Variants in EXOC6B observed in about 807,000 individuals in gnomAD.
The protein encoded by EXOC6B is exocyst complex component 6B, also known as SEC15 homolog B.
Under a neutral mutation model 113.5 loss-of-function variants are expected in EXOC6B, and 54 were observed. That is an observed-to-expected ratio of 0.48 (90% CI 0.38 to 0.60). The LOEUF (loss-of-function observed/expected upper bound fraction) is 0.60. Among genes scored for constraint, EXOC6B ranks in the 20% least tolerant of loss-of-function variants. The pLI is 0.00. For synonymous variants in EXOC6B, 357 were observed against 339.0 expected, an observed-to-expected ratio of 1.05 and a Z score of -0.58; for missense variants, 797 against 977.5, an observed-to-expected ratio of 0.82 and a Z score of 2.46.
intron 6 of EXOC6B, among the ~76,000 whole-genome samples, chr2:72,704,183 C>T (rs1275849135): frequency 6.7e-6 from 1 of 150,190 alleles, no homozygotes; most frequent in Non-Finnish European, 1.5e-5. Context: ...TCACTCAAAA[C>T]CGCTCAACTA....
At chr2:72,769,728 C>T (rs1467142603) in intron 1 of EXOC6B, among the ~76,000 whole-genome samples, 1 of 152,200 alleles carries the variant, frequency 6.6e-6, no homozygotes, top group African/African-American at 2.4e-5. Context: ...AGGAGAATTG[C>T]TTGAACTCAG....
At chr2:72,653,606 C>T (rs570406356) in intron 6 of EXOC6B, among the ~76,000 whole-genome samples, 4 of 145,506 alleles carry the variant, frequency 2.7e-5, no homozygotes, top group Non-Finnish European at 6.0e-5. Context: ...CAACCCCCCC[C>T]CAAAAAGAAA....
At chr2:72,264,210 G>A (rs946172095) in intron 20 of EXOC6B, among the ~76,000 whole-genome samples, 2 of 152,098 alleles carry the variant, frequency 1.3e-5, no homozygotes, top group African/African-American at 4.8e-5. Flanking sequence ...ACATTCATGG[G>A]ACCCAGAGTC....
chr2:72,361,530 T>C (rs1202320123), intron 19 of EXOC6B, among the ~76,000 whole-genome samples: 1 of 152,184 alleles, frequency 6.6e-6, no homozygotes, highest in Non-Finnish European at 1.5e-5. Context: ...AGGTGGATAA[T>C]TAATTATACG....
intron 16 of EXOC6B, among the ~76,000 whole-genome samples, chr2:72,488,850 G>C (rs1043096511): frequency 5.9e-5 from 9 of 152,254 alleles, no homozygotes; most frequent in South Asian, 4.1e-4. Context: ...GTCAGATCAA[G>C]TCATTAAACA....
chr2:72,194,666 C>T (rs1679058183), intron 20 of EXOC6B, among the ~76,000 whole-genome samples: 2 of 151,804 alleles, frequency 1.3e-5, no homozygotes, highest in Non-Finnish European at 2.9e-5. Flanking sequence ...TAGAAAGCTG[C>T]AGAACTGCCC....
chr2:72,425,557 C>T (rs1015331792), intron 18 of EXOC6B, among the ~76,000 whole-genome samples: 1 of 152,150 alleles, frequency 6.6e-6, no homozygotes, highest in African/African-American at 2.4e-5. Flanking sequence ...ATATGACCTT[C>T]CCTCCAACCC....
intron 1 of EXOC6B, among the ~76,000 whole-genome samples, chr2:72,752,868 A>G (rs1384738966): frequency 6.6e-6 from 1 of 151,990 alleles, no homozygotes; most frequent in African/African-American, 2.4e-5. Context: ...CACGGCTTCT[A>G]TTACACTCCT....
chr2:72,362,731 A>T (rs1289193064), intron 19 of EXOC6B, among the ~76,000 whole-genome samples: 3 of 152,114 alleles, frequency 2.0e-5, no homozygotes. Flanking sequence ...GCTCCTGCAA[A>T]ATGCAAGTTC....
intron 20 of EXOC6B, among the ~76,000 whole-genome samples, chr2:72,278,077 T>C (rs536712509): frequency 2.0e-5 from 3 of 152,300 alleles, no homozygotes; most frequent in Non-Finnish European, 4.4e-5. Flanking sequence ...ATTCAAAAAA[T>C]GTTTGCTACA....
At chr2:72,206,304 A>G (rs1679837524) in intron 20 of EXOC6B, among the ~76,000 whole-genome samples, 1 of 152,216 alleles carries the variant, frequency 6.6e-6, no homozygotes, top group African/African-American at 2.4e-5. Context: ...TCTTAGAAAC[A>G]TAGAATCAAG....
intron 1 of EXOC6B, among the ~76,000 whole-genome samples, chr2:72,796,703 T>C (rs1284252225): frequency 1.3e-5 from 2 of 152,130 alleles, no homozygotes; most frequent in Non-Finnish European, 2.9e-5. Context: ...AAAAAAAATC[T>C]TCCTATCCCA....
intron 18 of EXOC6B, among the ~76,000 whole-genome samples, chr2:72,421,912 G>A (rs753693781): frequency 6.6e-6 from 1 of 152,218 alleles, no homozygotes; most frequent in Non-Finnish European, 1.5e-5. Context: ...TGGCGGCCCC[G>A]CACTCAGAGC....
At chr2:72,418,882 C>T (rs1308312230) in intron 18 of EXOC6B, among the ~76,000 whole-genome samples, 1 of 152,032 alleles carries the variant, frequency 6.6e-6, no homozygotes, top group Admixed American at 6.5e-5. Flanking sequence ...GACCTTCTGT[C>T]CCCCCCTTAT....
chr2:72,179,194 G>T lies in EXOC6B; in HGVS notation c.*141C>A. 1 of 928,278 alleles carries T rather than the reference G, an allele frequency of 1.1e-6. No individual in the cohort carries two copies. Among genetic ancestry groups the T allele is most frequent in the Non-Finnish European group, 1.6e-6 (1 of 643,266 alleles). 57.5% of individuals were successfully genotyped at this position (928,278 alleles called of 1,614,324 possible). A position where few individuals can be genotyped will look rare whatever the true frequency, so the allele number is the denominator to read the frequency against. On this transcript the variant is annotated 3_prime_UTR_variant, in exon 22 of 22. Coordinates refer to ENST00000272427, the MANE Select transcript of EXOC6B (RefSeq NM_015189.3). ...CTCTTTTACTATAGGGAAATGTTAT[G>T]TGAATACTGCACAGGGGTTAATAAA...
At chr2:72,811,124 G>A (rs532267334) in intron 1 of EXOC6B, among the ~76,000 whole-genome samples, 3 of 152,176 alleles carry the variant, frequency 2.0e-5, no homozygotes, top group African/African-American at 7.2e-5. Context: ...CTTGATGCCA[G>A]GAGTTCAAGA....
intron 20 of EXOC6B, among the ~76,000 whole-genome samples, chr2:72,240,922 G>T (rs954789435): frequency 6.6e-6 from 1 of 152,058 alleles, no homozygotes; most frequent in African/African-American, 2.4e-5. Context: ...TCAAAAATTG[G>T]ACAAACAGGC....
At chr2:72,632,633 A>T (rs1306758143) in intron 6 of EXOC6B, among the ~76,000 whole-genome samples, 1 of 152,238 alleles carries the variant, frequency 6.6e-6, no homozygotes, top group African/African-American at 2.4e-5. Flanking sequence ...TGCATGGGAT[A>T]GATAGCAACA....
At chr2:72,413,876 CT>C (rs1694354478) in intron 18 of EXOC6B, among the ~76,000 whole-genome samples, 1 of 152,162 alleles carries the variant, frequency 6.6e-6, no homozygotes, top group Non-Finnish European at 1.5e-5. Context: ...ATTGACTCTA[CT>C]GTTCCATGAA....
Sources: allele counts gnomAD v4.1 joint callset (sites outside exome capture counted in the v4.1 genomes callset), GRCh38; gene constraint gnomAD v4.1.1; transcripts MANE v1.5; gene names NCBI Gene and HGNC (gene_info 2026-07-23, HGNC 2026-07-21).